OR1J2: variants seen among roughly 807,000 people sequenced by gnomAD.
OR1J2 encodes olfactory receptor 1J2.
For missense variants in OR1J2, 304 were observed against 246.1 expected (o/e 1.24, Z -1.57); for synonymous variants, 142 against 99.7 (o/e 1.42, Z -2.52).
At chr9:122,483,987 G>T in the OR1J2 span, among the ~76,000 whole-genome samples, 1 of 152,038 alleles carries the variant, frequency 6.6e-6, no homozygotes, top group African/African-American at 2.4e-5. Flanking sequence ...TTATTAGTTT[G>T]GTGAATGCAC....
At chr9:122,562,627 C>T in the OR1J2 span, among the ~76,000 whole-genome samples, 6 of 152,166 alleles carry the variant, frequency 3.9e-5, no homozygotes, top group Admixed American at 6.5e-5. Context: ...CCTTCCTCTC[C>T]GTGTGTCATA....
chr9:122,567,798 A>G, the OR1J2 span: 1 of 1,614,012 alleles, frequency 6.2e-7, no homozygotes, highest in East Asian at 2.2e-5. Flanking sequence ...GGGAATCTTG[A>G]GAACTGTAGT....
At chr9:122,526,897 C>T in the OR1J2 span, 1 of 1,614,182 alleles carries the variant, frequency 6.2e-7, no homozygotes, top group Non-Finnish European at 8.5e-7. Context: ...GGCCTCATGA[C>T]TGTGGAGTAG....
At chr9:122,471,944 ATAACT>A in the OR1J2 span, among the ~76,000 whole-genome samples, 2 of 152,230 alleles carry the variant, frequency 1.3e-5, no homozygotes, top group Non-Finnish European at 2.9e-5. Context: ...ACTACTGTAC[ATAACT>A]TAAGCCACTG....
the OR1J2 span, among the ~76,000 whole-genome samples, chr9:122,453,434 G>A: frequency 6.6e-6 from 1 of 152,112 alleles, no homozygotes; most frequent in African/African-American, 2.4e-5. Flanking sequence ...AACCTCCTAA[G>A]TCCCTCTTAG....
the OR1J2 span, among the ~76,000 whole-genome samples, chr9:122,544,415 CTTTTTTTTTTTT>C: frequency 2.3e-5 from 2 of 85,338 alleles, no homozygotes; most frequent in South Asian, 4.7e-4. Flanking sequence ...CCTCTTTTTT[CTTTTTTTTTTTT>C]TTTTTTTTTT....
chr9:122,533,197 T>G, the OR1J2 span, among the ~76,000 whole-genome samples: 4 of 151,922 alleles, frequency 2.6e-5, no homozygotes, highest in African/African-American at 9.7e-5. Flanking sequence ...CACCACAGGG[T>G]GGATAGGCAA....
the OR1J2 span, among the ~76,000 whole-genome samples, chr9:122,564,846 A>G: frequency 6.6e-6 from 1 of 152,244 alleles, no homozygotes; most frequent in African/African-American, 2.4e-5. Flanking sequence ...CCTCAGGAGT[A>G]TATCAATTCT....
At chr9:122,525,417 G>A in the OR1J2 span, among the ~76,000 whole-genome samples, 1 of 152,108 alleles carries the variant, frequency 6.6e-6, no homozygotes, top group Non-Finnish European at 1.5e-5. Flanking sequence ...GACACCTGGT[G>A]ATACCAGATG....
the OR1J2 span, among the ~76,000 whole-genome samples, chr9:122,560,664 T>G: frequency 6.6e-6 from 1 of 152,234 alleles, no homozygotes; most frequent in Admixed American, 6.5e-5. Flanking sequence ...CCCCACTCTC[T>G]TCTGGCATGT....
At chr9:122,512,771 T>A (rs1828655152), downstream of OR1J2, among the ~76,000 whole-genome samples, 1 of 152,206 alleles carries the variant, frequency 6.6e-6, no homozygotes, top group Non-Finnish European at 1.5e-5. Flanking sequence ...TAACATCCAG[T>A]GTCCATCTGT....
the OR1J2 span, among the ~76,000 whole-genome samples, chr9:122,460,965 A>T: frequency 1.3e-5 from 2 of 152,026 alleles, no homozygotes; most frequent in African/African-American, 2.4e-5. Flanking sequence ...TTAATTTTCC[A>T]TCCTGAAACT....
chr9:122,524,200 T>C, the OR1J2 span, among the ~76,000 whole-genome samples: 1 of 152,220 alleles, frequency 6.6e-6, no homozygotes, highest in Non-Finnish European at 1.5e-5. Context: ...CAGCATTTAG[T>C]ACATTAACAA....
the OR1J2 span, chr9:122,476,912 TG>T: frequency 1.2e-6 from 1 of 817,802 alleles, no homozygotes. Context: ...TTCGCCATGT[TG>T]GCCAGGCTGG....
the OR1J2 span, among the ~76,000 whole-genome samples, chr9:122,496,440 G>A: frequency 6.6e-6 from 1 of 152,142 alleles, no homozygotes; most frequent in African/African-American, 2.4e-5. Context: ...CTAGGCCAAT[G>A]GAGTTATATT....
At chr9:122,509,906 G>C (rs2119377151), upstream of OR1J2, among the ~76,000 whole-genome samples, 1 of 152,150 alleles carries the variant, frequency 6.6e-6, no homozygotes, top group Non-Finnish European at 1.5e-5. Flanking sequence ...CTACATAATT[G>C]AAACAAATAA....
chr9:122,450,590 T>C, the OR1J2 span, among the ~76,000 whole-genome samples: 1 of 152,232 alleles, frequency 6.6e-6, no homozygotes, highest in Non-Finnish European at 1.5e-5. Flanking sequence ...TATCATTTCT[T>C]TGTGGTGAGA....
At chr9:122,564,971 A>T in the OR1J2 span, among the ~76,000 whole-genome samples, 1 of 151,714 alleles carries the variant, frequency 6.6e-6, no homozygotes, top group Non-Finnish European at 1.5e-5. Context: ...AGTGAGTCTG[A>T]ACTCATTGGT....
chr9:122,537,367 C>T, the OR1J2 span, among the ~76,000 whole-genome samples: 1 of 152,170 alleles, frequency 6.6e-6, no homozygotes, highest in Non-Finnish European at 1.5e-5. Flanking sequence ...GGCCTGGTTT[C>T]GGGCCTGGTG....
Sources: allele counts gnomAD v4.1 joint callset (sites outside exome capture counted in the v4.1 genomes callset), GRCh38; gene constraint gnomAD v4.1.1; transcripts MANE v1.5; gene names NCBI Gene and HGNC (gene_info 2026-07-23, HGNC 2026-07-21).